Variants in TENM3 observed in about 807,000 individuals in gnomAD.
TENM3 encodes the protein teneurin transmembrane protein 3.
In TENM3, 63 loss-of-function variants were observed where a neutral mutation model predicts 255.1. The ratio of observed to expected loss-of-function variants is 0.25; its 90% CI spans 0.20 to 0.30. The LOEUF is 0.30. TENM3 is among the 10% of genes least tolerant of loss of function. The pLI, the probability that TENM3 is intolerant of heterozygous loss-of-function variation, is 1.00. For missense variants in TENM3, 2,929 were observed against 3,461.1 expected (o/e 0.85, Z 3.86); for synonymous variants, 1,306 against 1,322.3 (o/e 0.99, Z 0.27).
At chr4:182,036,155 G>A in the TENM3 span, among the ~76,000 whole-genome samples, 4 of 152,102 alleles carry the variant, frequency 2.6e-5, no homozygotes, top group East Asian at 1.9e-4. Context: ...CCTACAGCAC[G>A]TAGTTGTTGT....
At chr4:181,635,939 C>T in the TENM3 span, among the ~76,000 whole-genome samples, 11 of 152,150 alleles carry the variant, frequency 7.2e-5, no homozygotes, top group Admixed American at 7.2e-4. Flanking sequence ...TGGGCTCCCT[C>T]TTCCCTGCTA....
At chr4:181,610,444 G>C in the TENM3 span, among the ~76,000 whole-genome samples, 6 of 152,136 alleles carry the variant, frequency 3.9e-5, no homozygotes, top group Non-Finnish European at 5.9e-5. Context: ...TTAATCCCGG[G>C]TTTTGTCAAC....
the TENM3 span, among the ~76,000 whole-genome samples, chr4:181,766,492 G>T: frequency 1.3e-5 from 2 of 152,142 alleles, no homozygotes; most frequent in Admixed American, 1.3e-4. Context: ...CTAAAACTTG[G>T]TAGTTCCCAG....
the TENM3 span, among the ~76,000 whole-genome samples, chr4:181,725,141 G>C: frequency 6.6e-6 from 1 of 152,134 alleles, no homozygotes; most frequent in African/African-American, 2.4e-5. Flanking sequence ...GTTTAGCTTA[G>C]CGTTCAGCAT....
At chr4:181,923,970 T>C in the TENM3 span, among the ~76,000 whole-genome samples, 3 of 152,126 alleles carry the variant, frequency 2.0e-5, no homozygotes, top group African/African-American at 7.2e-5. Context: ...TTTATGCTAA[T>C]TGTTGGGAAA....
chr4:181,499,789 G>A, the TENM3 span, among the ~76,000 whole-genome samples: 4 of 152,112 alleles, frequency 2.6e-5, no homozygotes, highest in Admixed American at 6.5e-5. Flanking sequence ...GTAGACACTC[G>A]GGTGTTTCCT....
chr4:182,465,032 T>C (rs1399993824), intron 3 of TENM3, among the ~76,000 whole-genome samples: 1 of 152,166 alleles, frequency 6.6e-6, no homozygotes, highest in African/African-American at 2.4e-5. Context: ...TGTGATAATG[T>C]CATTGAGGTA....
At chr4:182,228,009 T>C (rs747245264) in intron 1 of TENM3, among the ~76,000 whole-genome samples, 24 of 152,098 alleles carry the variant, frequency 1.6e-4, no homozygotes, top group Non-Finnish European at 3.1e-4. Flanking sequence ...CTCCCTCATA[T>C]TTGGAGTGTT....
the TENM3 span, among the ~76,000 whole-genome samples, chr4:181,694,633 T>G: frequency 6.6e-6 from 1 of 152,148 alleles, no homozygotes; most frequent in South Asian, 2.1e-4. Flanking sequence ...TAAGAACCAG[T>G]TGTTTATGAC....
the TENM3 span, among the ~76,000 whole-genome samples, chr4:182,042,886 T>C: frequency 6.9e-6 from 1 of 144,680 alleles, no homozygotes; most frequent in African/African-American, 2.8e-5. Flanking sequence ...TGTGCGTGTG[T>C]GTGTGTGTGT....
At chr4:181,885,175 G>A in the TENM3 span, among the ~76,000 whole-genome samples, 223 of 152,248 alleles carry the variant, frequency 1.5e-3, no homozygotes, top group Non-Finnish European at 2.7e-3. Flanking sequence ...TCCTGAGAAT[G>A]CCCACTAGCA....
intron 3 of TENM3, among the ~76,000 whole-genome samples, chr4:182,447,371 A>G (rs1296735512): frequency 6.6e-6 from 1 of 152,222 alleles, no homozygotes; most frequent in East Asian, 1.9e-4. Context: ...ATGGAAAATG[A>G]GAAAGAAAAG....
At chr4:182,526,126 C>T (rs1269936618) in intron 3 of TENM3, among the ~76,000 whole-genome samples, 5 of 152,004 alleles carry the variant, frequency 3.3e-5, no homozygotes, top group African/African-American at 7.2e-5. Context: ...ATTACAGGCA[C>T]GTGCCACCAC....
chr4:182,767,170 T>C (rs766606495), intron 22 of TENM3, among the ~76,000 whole-genome samples: 12 of 152,212 alleles, frequency 7.9e-5, no homozygotes, highest in Non-Finnish European at 1.3e-4. Context: ...GAGATGATAA[T>C]TGTTAAAATA....
At chr4:181,566,891 C>A in the TENM3 span, among the ~76,000 whole-genome samples, 3 of 152,184 alleles carry the variant, frequency 2.0e-5, no homozygotes, top group Non-Finnish European at 4.4e-5. Flanking sequence ...GGCGAAGCTG[C>A]CTAAGACCAG....
the TENM3 span, among the ~76,000 whole-genome samples, chr4:181,672,159 T>C: frequency 1.3e-5 from 2 of 152,142 alleles, no homozygotes; most frequent in Non-Finnish European, 2.9e-5. Context: ...GACTCTGTAA[T>C]GTAGTAAAAC....
intron 3 of TENM3, among the ~76,000 whole-genome samples, chr4:182,397,865 A>G (rs1355271565): frequency 1.3e-5 from 2 of 152,102 alleles, no homozygotes; most frequent in Admixed American, 1.3e-4. Flanking sequence ...CACTGCTCCA[A>G]ATGACTGCGC....
chr4:182,731,903 T>A (rs1760771551), intron 16 of TENM3, among the ~76,000 whole-genome samples: 1 of 151,880 alleles, frequency 6.6e-6, no homozygotes, highest in Admixed American at 6.6e-5. Context: ...CGCCTCAGAC[T>A]CCTGAGTAGC....
At chr4:181,902,532 T>G in the TENM3 span, among the ~76,000 whole-genome samples, 673 of 152,238 alleles carry the variant, frequency 4.4e-3, 4 homozygotes, top group Non-Finnish European at 7.2e-3. Flanking sequence ...CAAATGCCCA[T>G]CAATGATAGA....
Sources: allele counts gnomAD v4.1 joint callset (sites outside exome capture counted in the v4.1 genomes callset), GRCh38; gene constraint gnomAD v4.1.1; transcripts MANE v1.5; gene names NCBI Gene and HGNC (gene_info 2026-07-23, HGNC 2026-07-21).